CCDC126: variants seen among roughly 807,000 people sequenced by gnomAD.
The protein encoded by CCDC126 is coiled-coil domain-containing protein 126.
Under a neutral mutation model 11.7 loss-of-function variants are expected in CCDC126, and 5 were observed. The ratio of observed to expected loss-of-function variants is 0.43; its 90% CI spans 0.22 to 0.90. The LOEUF is 0.90. Among genes scored for constraint, CCDC126 ranks in the 40% least tolerant of loss-of-function variants. The probability of loss-of-function intolerance (pLI) is 0.27; values close to 1 mark genes in which losing one functional copy is unlikely to be tolerated. For synonymous variants in CCDC126, 60 were observed against 61.9 expected, an observed-to-expected ratio of 0.97 and a Z score of 0.14; for missense variants, 150 against 163.1, an observed-to-expected ratio of 0.92 and a Z score of 0.44.
Position 23,642,924 on chromosome 7 carries a change from C to T in CCDC126, c.239-7C>T. The T allele has an allele frequency of 1.2e-6, 2 of 1,611,480 alleles. No individual in the cohort carries two copies. Among genetic ancestry groups the T allele is most frequent in the South Asian group, 2.2e-5 (2 of 90,948 alleles). On this transcript the variant is annotated splice_polypyrimidine_tract_variant and splice_region_variant and intron_variant, in intron 3 of 3. Transcript: ENST00000307471. ...AATGTTAATTTTATTCTGATTTATT[C>T]CCCTAGCGGATCTGAAAAGAACAAT...
At chr7:23,605,435 G>A (rs2128014497) in intron 2 of CCDC126, among the ~76,000 whole-genome samples, 1 of 74,452 alleles carries the variant, frequency 1.3e-5, no homozygotes, top group East Asian at 4.1e-4. Flanking sequence ...GTGTGTGTGT[G>A]TGTGTGTGGT....
chr7:23,612,670 C>A (rs556905329), intron 3 of CCDC126, among the ~76,000 whole-genome samples: 22 of 152,036 alleles, frequency 1.4e-4, no homozygotes, highest in African/African-American at 5.3e-4. Flanking sequence ...GAGACCTCAT[C>A]TCTTAAGAAA....
chr7:23,639,192 CTTTT>C (rs1245503837), intron 3 of CCDC126, among the ~76,000 whole-genome samples: 1 of 137,172 alleles, frequency 7.3e-6, no homozygotes, highest in Admixed American at 7.3e-5. Context: ...TTTTTTATGT[CTTTT>C]TTTTTTTTTT....
At chr7:23,642,854 C>G in intron 3 of CCDC126, 77 bp from the exon 4 acceptor site, 2 of 1,246,672 alleles carry the variant, frequency 1.6e-6, no homozygotes, top group Non-Finnish European at 2.3e-6. Context: ...AGTTGTTCAC[C>G]TTTTTCCTTC....
chr7:23,633,005 T>C (rs867041067), intron 3 of CCDC126, among the ~76,000 whole-genome samples: 1 of 152,186 alleles, frequency 6.6e-6, no homozygotes, highest in African/African-American at 2.4e-5. Context: ...CAGTCCTTTT[T>C]TTTTGAGACG....
chr7:23,611,480 A>G lies in CCDC126; in HGVS notation c.165A>G (p.Arg55=). The G allele has an allele frequency of 3.1e-6, 5 of 1,614,094 alleles. No homozygotes were observed. Among genetic ancestry groups the G allele is most frequent in the Non-Finnish European group, 3.4e-6 (4 of 1,179,970 alleles). Residue 55 remains arginine, a synonymous_variant, in exon 3 of 4, where the codon AGA becomes AGG. Coordinates refer to ENST00000307471, the MANE Select transcript of CCDC126 (RefSeq NM_138771.4). The part of the protein sequence containing the change: ...LREQILDLSK[R]YVKALAEENK... ...AGCAAATACTAGACTTAAGCAAAAG[A>G]TATGTTAAAGCTCTAGCAGAGGAAA... is the stretch of plus-strand genomic sequence containing the variant.
At position 23,643,361 on chromosome 7, in the gene CCDC126, G is replaced by A. The variant is rs774814921; in HGVS notation, c.*246G>A. On this transcript the variant is annotated 3_prime_UTR_variant, in exon 4 of 4. Transcript: ENST00000307471. ...TTAAAGAGAATTTGGTAATTTGGTT[G>A]ATGTGGTAAGCAGATAGGTGAGTTT... is the stretch of plus-strand genomic sequence containing the variant. The A allele has an allele frequency of 8.6e-6, 3 of 350,778 alleles. No homozygotes were observed. Among genetic ancestry groups the A allele is most frequent in the Non-Finnish European group, 1.0e-5 (2 of 196,522 alleles). The allele number at this position is 350,778 out of a possible 1,614,324, so 21.7% of individuals were successfully genotyped here. A position where few individuals can be genotyped will look rare whatever the true frequency, so the allele number is the denominator to read the frequency against.
intron 2 of CCDC126, among the ~76,000 whole-genome samples, chr7:23,603,270 A>G (rs1475152830): frequency 6.6e-6 from 1 of 152,210 alleles, no homozygotes; most frequent in Non-Finnish European, 1.5e-5. Context: ...CAACTTTATA[A>G]TACTTTGATT....
chr7:23,603,206 GT>G (rs1316562036), intron 2 of CCDC126, among the ~76,000 whole-genome samples: 1 of 152,036 alleles, frequency 6.6e-6, no homozygotes, highest in Non-Finnish European at 1.5e-5. Flanking sequence ...TTATCTTCTA[GT>G]TTTTTGCCTG....
chr7:23,610,787 T>C (rs539837696), intron 2 of CCDC126, among the ~76,000 whole-genome samples: 11 of 152,050 alleles, frequency 7.2e-5, no homozygotes, highest in African/African-American at 2.7e-4. Context: ...TTCATTTTGA[T>C]GTTTTTTCTT....
At chr7:23,605,143 G>A (rs1013881312) in intron 2 of CCDC126, among the ~76,000 whole-genome samples, 3 of 152,180 alleles carry the variant, frequency 2.0e-5, no homozygotes, top group Non-Finnish European at 2.9e-5. Context: ...TGTAGGGAAA[G>A]TACTCCAAGC....
intron 3 of CCDC126, among the ~76,000 whole-genome samples, chr7:23,636,774 G>C (rs1160192612): frequency 7.0e-6 from 1 of 143,054 alleles, no homozygotes; most frequent in Non-Finnish European, 1.5e-5. Flanking sequence ...GGAGGTGGGG[G>C]GGGGGTCAGC....
intron 3 of CCDC126, among the ~76,000 whole-genome samples, chr7:23,623,077 G>A (rs762572963): frequency 6.7e-5 from 10 of 150,070 alleles, no homozygotes; most frequent in East Asian, 4.0e-4. Context: ...GGGTTCAGGC[G>A]GTTCTCCTGC....
intron 3 of CCDC126, among the ~76,000 whole-genome samples, chr7:23,639,457 G>A (rs1783315750): frequency 6.6e-6 from 1 of 152,068 alleles, no homozygotes; most frequent in African/African-American, 2.4e-5. Context: ...ATCCTGCCTC[G>A]GCCGCCCAAA....
chr7:23,608,800 G>A (rs1288019891), intron 2 of CCDC126, among the ~76,000 whole-genome samples: 2 of 152,196 alleles, frequency 1.3e-5, no homozygotes, highest in African/African-American at 4.8e-5. Flanking sequence ...TTCATGCAGA[G>A]CCAGCTGTAT....
intron 2 of CCDC126, chr7:23,604,214 T>C (rs1419344171): frequency 6.6e-6 from 1 of 152,232 alleles, no homozygotes; most frequent in East Asian, 1.9e-4. Flanking sequence ...GTAGAAACCT[T>C]TTCAAGCCTG....
At chr7:23,610,564 C>T (rs1782692933) in intron 2 of CCDC126, among the ~76,000 whole-genome samples, 1 of 152,128 alleles carries the variant, frequency 6.6e-6, no homozygotes, top group African/African-American at 2.4e-5. Context: ...TTATGTCTGG[C>T]ATATTTTTGT....
intron 3 of CCDC126, chr7:23,619,409 A>T: frequency 4.7e-6 from 2 of 423,484 alleles, no homozygotes; most frequent in Non-Finnish European, 9.2e-6. Flanking sequence ...AGGCTTAAAG[A>T]AAAGGATAGA....
intron 3 of CCDC126, among the ~76,000 whole-genome samples, chr7:23,637,476 A>G (rs1411305340): frequency 1.3e-3 from 72 of 53,608 alleles, no homozygotes; most frequent in Admixed American, 4.5e-3. Flanking sequence ...TCCGGGAGGG[A>G]GGTGGGGGGG....
Sources: allele counts gnomAD v4.1 joint callset (sites outside exome capture counted in the v4.1 genomes callset), GRCh38; gene constraint gnomAD v4.1.1; transcripts MANE v1.5; gene names NCBI Gene and HGNC (gene_info 2026-07-23, HGNC 2026-07-21).